Variants in TSPEAR observed in about 807,000 individuals in gnomAD.
The protein encoded by TSPEAR is thrombospondin-type laminin G domain and EAR repeat-containing protein.
Under a neutral mutation model 71.6 loss-of-function variants are expected in TSPEAR, and 69 were observed. The ratio of observed to expected loss-of-function variants is 0.96; its 90% CI spans 0.79 to 1.18. TSPEAR has a LOEUF of 1.18. TSPEAR is among the 50% of genes most tolerant of loss of function. The pLI, the probability that TSPEAR is intolerant of heterozygous loss-of-function variation, is 0.00. For missense variants in TSPEAR, 971 were observed against 894.9 expected (o/e 1.09, Z -1.09); for synonymous variants, 402 against 387.2 (o/e 1.04, Z -0.45).
At chr21:44,591,690 G>T (rs781808182) in intron 1 of TSPEAR, 62 of 1,577,956 alleles carry the variant, frequency 3.9e-5, no homozygotes, top group Non-Finnish European at 5.1e-5. Flanking sequence ...CGTGCTGGCA[G>T]GGGGAGGAGG....
intron 2 of TSPEAR, among the ~76,000 whole-genome samples, chr21:44,567,238 TACAC>T (rs1293668889): frequency 6.6e-6 from 1 of 152,224 alleles, no homozygotes; most frequent in Non-Finnish European, 1.5e-5. Context: ...AAATAGCCAG[TACAC>T]ACATGAGAAG....
intron 1 of TSPEAR, among the ~76,000 whole-genome samples, chr21:44,571,036 AAAG>A (rs2053787630): frequency 6.6e-6 from 1 of 152,220 alleles, no homozygotes; most frequent in Non-Finnish European, 1.5e-5. Context: ...CCAACCCTTT[AAAG>A]AAGAAAAAAT....
In TSPEAR at chr21:44,687,388, C is replaced by T. The variant is rs782564713; in HGVS notation, c.82+24045G>A. Reference sequence around the variant, plus strand: ...AGAAAAAACCGGAACGGCCCATGTGCCCATTAGCTGGTGGATGGATAAACA... The same window carrying T: ...AGAAAAAACCGGAACGGCCCATGTGTCCATTAGCTGGTGGATGGATAAACA... On this transcript the variant is annotated intron_variant, in intron 1 of 11. Transcript: ENST00000323084. This position sits in a 1 kb window ranked among gnomAD's most constrained non-coding sequence, Gnocchi z 4.4. Among the ~76,000 whole-genome samples the T allele has an allele frequency of 3.3e-5, 5 of 152,160 alleles. No homozygotes were observed. The highest frequency in any genetic ancestry group is 4.4e-5 in the Non-Finnish European group (3 of 68,032).
At chr21:44,568,081 G>A in intron 1 of TSPEAR, 76 bp from the exon 2 acceptor site, 1 of 1,191,384 alleles carries the variant, frequency 8.4e-7, no homozygotes, top group Non-Finnish European at 1.1e-6. Context: ...CAACATGTAT[G>A]GGGCATCAGC....
intron 1 of TSPEAR, chr21:44,690,662 A>T (rs888617007): frequency 1.0e-5 from 9 of 859,288 alleles, no homozygotes; most frequent in Non-Finnish European, 1.3e-5. Flanking sequence ...AGCAGTAAAC[A>T]TGACAGCAAA....
chr21:44,573,626 G>C, intron 1 of TSPEAR: 1 of 1,460,260 alleles, frequency 6.8e-7, no homozygotes, highest in Non-Finnish European at 9.2e-7. Context: ...GGGAGGGCTT[G>C]CTGAGCCTCC....
chr21:44,522,060 C>A lies in TSPEAR; in HGVS notation c.1389G>T (p.Arg463=), dbSNP rs1555914359. 6.2e-7 allele frequency: 1 copy of A among 1,614,126 alleles called. No individual in the cohort carries two copies. The highest frequency in any genetic ancestry group is 1.1e-5 in the South Asian group (1 of 91,078). The part of the protein sequence containing the change: ...SVIYKWNPAT[R]LFEANQTIAT... ...CGATGGTCTGGTTGGCCTCGAAGAG[C>A]CGGGTTGCCGGGTTCCACTTGTAGA... Residue 463 remains arginine, a synonymous_variant, in exon 9 of 12, where the codon CGG becomes CGT. Transcript: ENST00000323084.
At chr21:44,709,087 A>C (rs1033260030) in intron 1 of TSPEAR, among the ~76,000 whole-genome samples, 89 of 152,042 alleles carry the variant, frequency 5.9e-4, no homozygotes, top group African/African-American at 2.0e-3. Flanking sequence ...CAGCTCCCGC[A>C]CTCCCAGCCT....
intron 1 of TSPEAR, chr21:44,677,795 A>C: frequency 7.7e-7 from 1 of 1,294,466 alleles, no homozygotes; most frequent in Non-Finnish European, 1.1e-6. Context: ...TTGGCAATGG[A>C]ACATTATAAG....
chr21:44,562,749 AGAATT>A (rs2053655451), intron 2 of TSPEAR, among the ~76,000 whole-genome samples: 1 of 152,208 alleles, frequency 6.6e-6, no homozygotes, highest in Admixed American at 6.5e-5. Flanking sequence ...AAGTCAGCCA[AGAATT>A]CTATATCCAA....
chr21:44,501,576 G>A (rs1410948934), intron 11 of TSPEAR, among the ~76,000 whole-genome samples: 2 of 152,032 alleles, frequency 1.3e-5, no homozygotes, highest in African/African-American at 4.8e-5. Context: ...CAGCTTGGGC[G>A]ACAAAGCGAG....
rs781818534 is a variant in TSPEAR, at chr21:44,509,278, A to G, written c.1675T>C (p.Tyr559His). 9.3e-6 allele frequency: 15 copies of G among 1,613,966 alleles called. No individual in the cohort carries two copies. Among genetic ancestry groups the G allele is most frequent in the Admixed American group, 1.7e-5 (1 of 59,990 alleles). Residue 559 changes from tyrosine to histidine, a missense_variant, in exon 10 of 12, where the codon TAT becomes CAT. Physicochemically the swap from Tyr to His is moderately conservative, Grantham distance 83. Coordinates refer to ENST00000323084, the MANE Select transcript of TSPEAR (RefSeq NM_144991.3). ...DVEMQVQNDS[Y>H]VINSVIYELN... Reference sequence around the variant, plus strand: ...TCGTAGATGACGGAGTTGATGACATAGGAATCATTCTGGACTTGCATCTCC... The same window carrying G: ...TCGTAGATGACGGAGTTGATGACATGGGAATCATTCTGGACTTGCATCTCC...
At chr21:44,538,461 G>A (rs2053134712) in intron 2 of TSPEAR, among the ~76,000 whole-genome samples, 1 of 151,686 alleles carries the variant, frequency 6.6e-6, no homozygotes, top group South Asian at 2.1e-4. Context: ...GGCAGCGCCA[G>A]GGTTTTGGGG....
chr21:44,602,753 G>A (rs1343883747), intron 1 of TSPEAR, among the ~76,000 whole-genome samples: 1 of 152,310 alleles, frequency 6.6e-6, no homozygotes. Flanking sequence ...CCAGCTGCTT[G>A]CAGAGGAGTG....
At chr21:44,619,064 AGCAAGCAGGAAGTGAAGGT>A (rs1388276100) in intron 1 of TSPEAR, among the ~76,000 whole-genome samples, 165 of 151,818 alleles carry the variant, frequency 1.1e-3, no homozygotes, top group Non-Finnish European at 1.5e-3. Flanking sequence ...TCAGGCTCTG[AGCAAGCAGGAAGTGAAGGT>A]GCAAGCAGGA....
chr21:44,616,787 GC>G (rs34651077), intron 1 of TSPEAR, among the ~76,000 whole-genome samples: 1 of 152,254 alleles, frequency 6.6e-6, no homozygotes, highest in East Asian at 1.9e-4. Context: ...ACACCAAGCA[GC>G]CCTAAGGCAG....
intron 1 of TSPEAR, among the ~76,000 whole-genome samples, chr21:44,698,610 C>T (rs1987500381): frequency 6.6e-6 from 1 of 152,242 alleles, no homozygotes; most frequent in South Asian, 2.1e-4. Context: ...CAGTCCCTGC[C>T]AAGTGGGGGC....
At chr21:44,672,431 G>A (rs907421858) in intron 1 of TSPEAR, among the ~76,000 whole-genome samples, 7 of 152,134 alleles carry the variant, frequency 4.6e-5, no homozygotes, top group Admixed American at 6.5e-5. Context: ...TTAGCCGGGC[G>A]TGGTGGCAGG....
intron 2 of TSPEAR, among the ~76,000 whole-genome samples, chr21:44,549,541 G>A (rs906230030): frequency 6.6e-6 from 1 of 152,296 alleles, no homozygotes; most frequent in African/African-American, 2.4e-5. Flanking sequence ...TGTGCCCCCC[G>A]CATTGTGATT....
Sources: allele counts gnomAD v4.1 joint callset (sites outside exome capture counted in the v4.1 genomes callset), GRCh38; gene constraint gnomAD v4.1.1; non-coding constraint Gnocchi (gnomAD v3.1); transcripts MANE v1.5; gene names NCBI Gene and HGNC (gene_info 2026-07-23, HGNC 2026-07-21).